Variants in NREP observed in about 807,000 individuals in gnomAD.
NREP encodes the protein neuronal regeneration-related protein.
A neutral mutation model predicts 8.6 loss-of-function variants in NREP; 5 were observed. That is an observed-to-expected ratio of 0.58 (90% CI 0.30 to 1.22). NREP has a LOEUF of 1.22. Ranked by LOEUF, NREP falls within the 50% of genes most tolerant of loss-of-function variation. The pLI is 0.07. For missense variants in NREP, 86 were observed against 82.5 expected (o/e 1.04, Z -0.17); for synonymous variants, 27 against 28.0 (o/e 0.96, Z 0.11).
intron 2 of NREP, among the ~76,000 whole-genome samples, chr5:111,957,662 A>C (rs957890433): frequency 2.0e-5 from 3 of 151,912 alleles, no homozygotes; most frequent in African/African-American, 7.2e-5. Context: ...TTTAACTAAA[A>C]TATGAGCTAA....
intron 2 of NREP, among the ~76,000 whole-genome samples, chr5:111,968,972 G>A (rs1222162316): frequency 6.6e-6 from 1 of 152,158 alleles, no homozygotes; most frequent in East Asian, 1.9e-4. Flanking sequence ...TTTTTAGATA[G>A]AGTTAAAGAA....
chr5:111,732,008 T>C (rs1166564883), intron 3 of NREP: 1 of 152,254 alleles, frequency 6.6e-6, no homozygotes, highest in Non-Finnish European at 1.5e-5. Context: ...CGATGGTCTC[T>C]CTTTCAGCTG....
intron 2 of NREP, among the ~76,000 whole-genome samples, chr5:111,820,181 C>T (rs1308313373): frequency 6.6e-6 from 1 of 152,104 alleles, no homozygotes; most frequent in Non-Finnish European, 1.5e-5. Context: ...ACAGCAAAAT[C>T]ACCAACAAAC....
chr5:111,809,793 TG>T (rs1752227527), intron 2 of NREP, among the ~76,000 whole-genome samples: 1 of 152,038 alleles, frequency 6.6e-6, no homozygotes, highest in African/African-American at 2.4e-5. Flanking sequence ...CAATACAAAA[TG>T]GACAAAGAGT....
intron 2 of NREP, among the ~76,000 whole-genome samples, chr5:111,894,757 C>A (rs1754468972): frequency 6.6e-6 from 1 of 152,172 alleles, no homozygotes; most frequent in Non-Finnish European, 1.5e-5. Context: ...CAGCCGACAG[C>A]CCTATGGATG....
chr5:111,905,192 G>C (rs943461177), intron 2 of NREP, among the ~76,000 whole-genome samples: 1 of 152,072 alleles, frequency 6.6e-6, no homozygotes, highest in African/African-American at 2.4e-5. Context: ...TCTACACATG[G>C]GTGTACCATA....
intron 2 of NREP, among the ~76,000 whole-genome samples, chr5:111,742,088 A>C (rs1032286288): frequency 6.6e-6 from 1 of 152,146 alleles, no homozygotes; most frequent in Non-Finnish European, 1.5e-5. Flanking sequence ...ATGGCTCACT[A>C]ATTGGTTAAA....
chr5:111,838,739 A>G (rs559949484), intron 2 of NREP, among the ~76,000 whole-genome samples: 36 of 152,200 alleles, frequency 2.4e-4, no homozygotes, highest in African/African-American at 8.2e-4. Context: ...GTATGCATAT[A>G]TAAATTTATA....
At chr5:111,904,230 T>C (rs959121082) in intron 2 of NREP, among the ~76,000 whole-genome samples, 7 of 152,140 alleles carry the variant, frequency 4.6e-5, no homozygotes, top group African/African-American at 1.2e-4. Context: ...CTAAAGTCCA[T>C]AGTTTAGGGT....
chr5:111,898,884 A>G (rs1285438624), intron 2 of NREP, among the ~76,000 whole-genome samples: 2 of 152,178 alleles, frequency 1.3e-5, no homozygotes, highest in Non-Finnish European at 2.9e-5. Flanking sequence ...TCATCAGACT[A>G]ACAGTGGATT....
Position 111,730,910 on chromosome 5 carries a change from A to C in NREP, c.*11T>G. ...CATACACCATATGTAATACAAATGG[A>C]GGTGTTACGATTAAAAAAAGTGGAG... On this transcript the variant is annotated 3_prime_UTR_variant, in exon 4 of 4. Transcript: ENST00000257435. 1.2e-6 allele frequency: 2 copies of C among 1,613,694 alleles called. No individual in the cohort carries two copies. Among genetic ancestry groups the C allele is most frequent in the Non-Finnish European group, 1.7e-6 (2 of 1,179,736 alleles).
At chr5:111,905,076 T>C (rs886793997) in intron 2 of NREP, among the ~76,000 whole-genome samples, 12 of 152,258 alleles carry the variant, frequency 7.9e-5, no homozygotes, top group African/African-American at 2.9e-4. Context: ...AATCACTCTG[T>C]AAATTCCCTT....
rs535738997 is a variant in NREP at position 111,731,015 on chromosome 5, C to A, written c.113G>T (p.Arg38Leu). The part of the protein sequence containing the change: ...GRLPVPKEVN[R>L]KKNDETNAAS... ...AGCGTTTGTCTCATCGTTCTTCTTGCGGTTCACTTCCTTTGGGACAGGAAG... is the reference window on the plus strand; with the variant it reads ...AGCGTTTGTCTCATCGTTCTTCTTGAGGTTCACTTCCTTTGGGACAGGAAG... Residue 38 changes from arginine to leucine, a missense_variant, in exon 4 of 4, where the codon CGC (arginine) becomes CTC (leucine). Arg to Leu is a moderately radical substitution (Grantham distance 102, BLOSUM62 -2). Transcript: ENST00000257435. 1.2e-6 allele frequency: 2 copies of A among 1,613,820 alleles called. No homozygotes were observed. Among genetic ancestry groups the A allele is most frequent in the South Asian group, 1.1e-5 (1 of 91,084 alleles).
intron 2 of NREP, among the ~76,000 whole-genome samples, chr5:111,798,094 C>G (rs1307105197): frequency 6.6e-6 from 1 of 152,110 alleles, no homozygotes; most frequent in Non-Finnish European, 1.5e-5. Flanking sequence ...AATGACTTAA[C>G]TTGGATATTT....
At chr5:111,843,074 G>C (rs1469209889) in intron 2 of NREP, among the ~76,000 whole-genome samples, 2 of 152,098 alleles carry the variant, frequency 1.3e-5, no homozygotes, top group African/African-American at 2.4e-5. Context: ...CATGAACCTA[G>C]ATGTTCATTT....
intron 2 of NREP, among the ~76,000 whole-genome samples, chr5:111,942,219 C>T (rs1314762141): frequency 6.6e-6 from 1 of 151,882 alleles, no homozygotes; most frequent in Non-Finnish European, 1.5e-5. Flanking sequence ...TGATGCTTAC[C>T]ATAAAATGTT....
chr5:111,957,180 G>T (rs892010547), intron 2 of NREP, among the ~76,000 whole-genome samples: 1 of 150,470 alleles, frequency 6.6e-6, no homozygotes, highest in Non-Finnish European at 1.5e-5. Flanking sequence ...GAGAGAGAGA[G>T]AAAATACACA....
chr5:111,951,003 A>ACT (rs1388107711), intron 2 of NREP, among the ~76,000 whole-genome samples: 1 of 152,046 alleles, frequency 6.6e-6, no homozygotes, highest in Non-Finnish European at 1.5e-5. Context: ...ATAGGTTAAC[A>ACT]CTATCCTGAA....
intron 2 of NREP, among the ~76,000 whole-genome samples, chr5:111,748,961 T>C (rs1038329801): frequency 6.6e-6 from 1 of 152,138 alleles, no homozygotes; most frequent in Non-Finnish European, 1.5e-5. Context: ...TGTACTATGG[T>C]GTTTCATAGA....
Sources: gnomAD v4.1 joint callset for allele counts (sites outside exome capture counted in the v4.1 genomes callset) on GRCh38, gnomAD v4.1.1 for gene constraint, MANE v1.5 for transcripts, NCBI Gene and HGNC (gene_info 2026-07-23, HGNC 2026-07-21) for gene names.